The following PTPRD variants were observed in gnomAD, a reference collection of about 807,000 sequenced individuals.
PTPRD encodes the protein protein tyrosine phosphatase receptor type D, also known as receptor-type tyrosine-protein phosphatase delta.
In PTPRD, 34 loss-of-function variants were observed where a neutral mutation model predicts 214.5. The ratio of observed to expected loss-of-function variants is 0.16; its 90% CI spans 0.12 to 0.21. The LOEUF (loss-of-function observed/expected upper bound fraction) is 0.21. Ranked by LOEUF, PTPRD falls within the 10% of genes least tolerant of loss-of-function variation. The probability of loss-of-function intolerance (pLI) is 1.00; values close to 1 mark genes in which losing one functional copy is unlikely to be tolerated. For synonymous variants in PTPRD, 1,128 were observed against 845.7 expected (o/e 1.33, Z -5.79); for missense variants, 2,545 against 2,398.7 (o/e 1.06, Z -1.27).
intron 7 of PTPRD, among the ~76,000 whole-genome samples, chr9:9,669,439 C>A (rs1306978094): frequency 6.6e-6 from 1 of 152,070 alleles, no homozygotes; most frequent in Non-Finnish European, 1.5e-5. Flanking sequence ...CAAAGTGGTG[C>A]ATCAAGTAGA....
At chr9:9,313,860 A>C (rs1418039720) in intron 9 of PTPRD, among the ~76,000 whole-genome samples, 1 of 152,106 alleles carries the variant, frequency 6.6e-6, no homozygotes, top group Non-Finnish European at 1.5e-5. Flanking sequence ...AATTTATTCC[A>C]ATTTAGTTTC....
At chr9:9,977,581 T>C (rs1181550875) in intron 4 of PTPRD, among the ~76,000 whole-genome samples, 4 of 152,094 alleles carry the variant, frequency 2.6e-5, no homozygotes, top group Non-Finnish European at 5.9e-5. Flanking sequence ...TGTTCAAAAA[T>C]ACTAAGATAT....
chr9:8,344,010 A>C (rs1182239305), intron 39 of PTPRD, among the ~76,000 whole-genome samples: 1 of 152,100 alleles, frequency 6.6e-6, no homozygotes, highest in South Asian at 2.1e-4. Context: ...CACTTTAAGT[A>C]GTCTCTTTGC....
chr9:9,850,881 A>G (rs920560010), intron 5 of PTPRD, among the ~76,000 whole-genome samples: 6 of 152,148 alleles, frequency 3.9e-5, no homozygotes, highest in East Asian at 1.9e-4. Context: ...CTCTGCTTCT[A>G]TGAATTTGAC....
At chr9:9,905,403 G>C (rs989378805) in intron 5 of PTPRD, among the ~76,000 whole-genome samples, 1 of 151,802 alleles carries the variant, frequency 6.6e-6, no homozygotes, top group Non-Finnish European at 1.5e-5. Context: ...CTAAATCTAA[G>C]TCTGCAAACA....
intron 3 of PTPRD, among the ~76,000 whole-genome samples, chr9:10,273,948 G>A (rs977103369): frequency 6.7e-6 from 1 of 150,010 alleles, no homozygotes; most frequent in African/African-American, 2.4e-5. Flanking sequence ...TGTAACAATA[G>A]CTATGTAATG....
At chr9:10,009,683 T>A (rs2096557380) in intron 4 of PTPRD, among the ~76,000 whole-genome samples, 3 of 124,620 alleles carry the variant, frequency 2.4e-5, no homozygotes, top group Non-Finnish European at 5.7e-5. Flanking sequence ...CAGAAAAAGA[T>A]CTGGAAAGGG....
chr9:9,002,330 A>G (rs1034859198), intron 11 of PTPRD, among the ~76,000 whole-genome samples: 4 of 152,022 alleles, frequency 2.6e-5, no homozygotes, highest in African/African-American at 9.7e-5. Context: ...AAATTAACAT[A>G]ATGAAAAGAA....
At chr9:8,586,183 C>A (rs2093640915) in intron 14 of PTPRD, among the ~76,000 whole-genome samples, 1 of 152,048 alleles carries the variant, frequency 6.6e-6, no homozygotes, top group African/African-American at 2.4e-5. Flanking sequence ...GCCTGTAATC[C>A]CAGCTACTTC....
chr9:9,234,581 A>T (rs147488429), intron 9 of PTPRD, among the ~76,000 whole-genome samples: 1 of 152,104 alleles, frequency 6.6e-6, no homozygotes, highest in African/African-American at 2.4e-5. Flanking sequence ...CCAAACTTTT[A>T]TGCTTTGCTT....
At chr9:10,008,060 T>A (rs2096525528) in intron 4 of PTPRD, among the ~76,000 whole-genome samples, 1 of 151,948 alleles carries the variant, frequency 6.6e-6, no homozygotes, top group Non-Finnish European at 1.5e-5. Context: ...AACCTGCAAA[T>A]CTGGGGGAGC....
intron 12 of PTPRD, among the ~76,000 whole-genome samples, chr9:8,707,506 C>A (rs79396231): frequency 6.6e-6 from 1 of 152,190 alleles, no homozygotes; most frequent in Non-Finnish European, 1.5e-5. Flanking sequence ...GTTCTTGGGA[C>A]AAAGTGTTCC....
intron 11 of PTPRD, among the ~76,000 whole-genome samples, chr9:8,954,716 T>C (rs1028783981): frequency 6.6e-6 from 1 of 151,904 alleles, no homozygotes; most frequent in Non-Finnish European, 1.5e-5. Flanking sequence ...TTTGATTTCA[T>C]TGCTTTCTGT....
At chr9:9,827,868 G>C (rs1362563104) in intron 5 of PTPRD, among the ~76,000 whole-genome samples, 2 of 152,142 alleles carry the variant, frequency 1.3e-5, no homozygotes, top group African/African-American at 2.4e-5. Flanking sequence ...CTTGTCAACA[G>C]AAGACAATTA....
At chr9:9,914,202 G>A (rs2080021282) in intron 5 of PTPRD, among the ~76,000 whole-genome samples, 1 of 152,190 alleles carries the variant, frequency 6.6e-6, no homozygotes, top group Non-Finnish European at 1.5e-5. Flanking sequence ...TAGTGGAGCA[G>A]CTATGTTCCT....
intron 3 of PTPRD, among the ~76,000 whole-genome samples, chr9:10,236,491 A>C (rs1013933234): frequency 6.6e-6 from 1 of 151,966 alleles, no homozygotes; most frequent in Non-Finnish European, 1.5e-5. Context: ...CATAATTTGC[A>C]TACTTGACTA....
intron 14 of PTPRD, among the ~76,000 whole-genome samples, chr9:8,615,538 T>C (rs2095583872): frequency 6.6e-6 from 1 of 152,012 alleles, no homozygotes; most frequent in Non-Finnish European, 1.5e-5. Flanking sequence ...GAATTATATG[T>C]TTTTAGAAGC....
At chr9:10,180,484 T>C (rs2099275798) in intron 3 of PTPRD, among the ~76,000 whole-genome samples, 1 of 151,666 alleles carries the variant, frequency 6.6e-6, no homozygotes, top group African/African-American at 2.4e-5. Flanking sequence ...ATTTCACTGA[T>C]GAACACTAAC....
intron 5 of PTPRD, among the ~76,000 whole-genome samples, chr9:9,839,411 GACAA>G (rs1469946298): frequency 2.0e-5 from 3 of 152,118 alleles, no homozygotes; most frequent in Non-Finnish European, 4.4e-5. Flanking sequence ...ACCAATAACA[GACAA>G]ACAGAGAGGG....
Sources: allele counts gnomAD v4.1 joint callset (sites outside exome capture counted in the v4.1 genomes callset), GRCh38; gene constraint gnomAD v4.1.1; transcripts MANE v1.5; gene names NCBI Gene and HGNC (gene_info 2026-07-23, HGNC 2026-07-21).